Variants in SGIP1 observed in about 807,000 individuals in gnomAD.
SGIP1 encodes the protein SH3GL interacting endocytic adaptor 1.
In SGIP1, 38 loss-of-function variants were observed where a neutral mutation model predicts 107.5. That is an observed-to-expected ratio of 0.35 (90% CI 0.27 to 0.46). The LOEUF (loss-of-function observed/expected upper bound fraction) is 0.46. SGIP1 is among the 20% of genes least tolerant of loss of function. The pLI is 1.00. For synonymous variants in SGIP1, 365 were observed against 366.1 expected (o/e 1.00, Z 0.03); for missense variants, 929 against 1,019.5 (o/e 0.91, Z 1.21).
chr1:66,603,249 A>C (rs1333657195), intron 1 of SGIP1, among the ~76,000 whole-genome samples: 2 of 152,154 alleles, frequency 1.3e-5, no homozygotes, highest in Non-Finnish European at 2.9e-5. Flanking sequence ...CAGTTCTTTC[A>C]TGGTGCTTAT....
chr1:66,614,564 A>G (rs1558074445), intron 1 of SGIP1, among the ~76,000 whole-genome samples: 2 of 152,206 alleles, frequency 1.3e-5, no homozygotes, highest in South Asian at 4.1e-4. Context: ...ATGTGTGTTT[A>G]TCTGATGGCT....
chr1:66,676,837 T>C (rs1325557542), intron 12 of SGIP1, 167 bp from the exon 13 acceptor site: 2 of 605,298 alleles, frequency 3.3e-6, no homozygotes, highest in Non-Finnish European at 5.8e-6. Context: ...CTATTTCTAT[T>C]CTCTGCTTGA....
intron 7 of SGIP1, among the ~76,000 whole-genome samples, chr1:66,651,445 A>T (rs1472169306): frequency 6.6e-6 from 1 of 152,192 alleles, no homozygotes; most frequent in Non-Finnish European, 1.5e-5. Context: ...AGAACTCTTA[A>T]CCACTATATT....
At chr1:66,678,807 C>T (rs1336582625) in intron 13 of SGIP1, among the ~76,000 whole-genome samples, 1 of 152,188 alleles carries the variant, frequency 6.6e-6, no homozygotes, top group Non-Finnish European at 1.5e-5. Context: ...CAGCCATGTG[C>T]CTACCTGCCT....
chr1:66,668,179 G>A (rs1026634062), intron 9 of SGIP1, among the ~76,000 whole-genome samples: 7 of 152,046 alleles, frequency 4.6e-5, no homozygotes, highest in Non-Finnish European at 7.4e-5. Context: ...TTTTCCTCAA[G>A]TTGAAAAGTA....
At chr1:66,534,514 G>T (rs1459874932) in intron 1 of SGIP1, 146 bp downstream of exon 1, 1 of 889,418 alleles carries the variant, frequency 1.1e-6, no homozygotes, top group African/African-American at 1.6e-5. Flanking sequence ...TTTGCTTGCA[G>T]TGGATCTGGG....
At chr1:66,678,258 C>T (rs368082351) in intron 13 of SGIP1, among the ~76,000 whole-genome samples, 1 of 152,112 alleles carries the variant, frequency 6.6e-6, no homozygotes, top group Non-Finnish European at 1.5e-5. Flanking sequence ...CCTAGAAAAC[C>T]CTTTCCTAAA....
chr1:66,722,134 G>A lies in SGIP1; in HGVS notation c.1742+2729G>A, dbSNP rs1044255620. 5.3e-5 allele frequency among the ~76,000 whole-genome samples: 8 copies of A among 151,914 alleles called. No homozygotes were observed. The East Asian group carries it at 5.8e-4, about 11-fold the overall frequency. ...CACTCTAGCCACATGGCCTCATGGC[G>A]TCTCTCTTCCATCACCCCAACCCAC... is the stretch of plus-strand genomic sequence containing the variant. On this transcript the variant is annotated intron_variant, in intron 19 of 24. Transcript: ENST00000371037.
intron 1 of SGIP1, among the ~76,000 whole-genome samples, chr1:66,542,176 G>A (rs2055129764): frequency 6.6e-6 from 1 of 151,890 alleles, no homozygotes; most frequent in Non-Finnish European, 1.5e-5. Flanking sequence ...ATATCAATCA[G>A]TAGGTATCAG....
chr1:66,598,956 C>A (rs1432796686), intron 1 of SGIP1, among the ~76,000 whole-genome samples: 1 of 152,110 alleles, frequency 6.6e-6, no homozygotes, highest in South Asian at 2.1e-4. Flanking sequence ...AATGCAAGCA[C>A]AGTCCAAAAT....
chr1:66,741,369 T>A lies in SGIP1; in HGVS notation c.2397T>A (p.Ser799=), dbSNP rs555470536. 1 of 1,612,140 alleles carries A rather than the reference T, an allele frequency of 6.2e-7. No homozygotes were observed. Among genetic ancestry groups the A allele is most frequent in the South Asian group, 1.1e-5 (1 of 90,760 alleles). The change falls in exon 24 of 25, where the codon TCT becomes TCA. Residue 799 remains serine, a synonymous_variant. Coordinates refer to ENST00000371037, the MANE Select transcript of SGIP1 (RefSeq NM_032291.4). ...VQFTSEGSTL[S]GCDIELVGAG... ...TCACAAGTGAAGGAAGCACCCTTTC[T>A]GGCTGTGACATTGAACTTGTTGGAG...
At chr1:66,539,484 A>T (rs1243886383) in intron 1 of SGIP1, among the ~76,000 whole-genome samples, 1 of 152,226 alleles carries the variant, frequency 6.6e-6, no homozygotes, top group East Asian at 1.9e-4. Context: ...TATTAGAAAG[A>T]TATTAGGCAT....
rs775390538 is a variant in SGIP1 at position 66,733,823 on chromosome 1, A to G, written c.1974A>G (p.Lys658=). The G allele has an allele frequency of 2.2e-5, 35 of 1,613,730 alleles. No homozygotes were observed. The South Asian group carries it at 3.4e-4, about 16-fold the overall frequency. ...CAAATTTGATGACTCACCTAAAGAA[A>G]GTGTCTGAACAAAAACCCCAGGCTA... ...NMPNLMTHLK[K]VSEQKPQATY... is the part of the protein sequence containing the mutation. Residue 658 remains lysine, a synonymous_variant, in exon 21 of 25, where the codon AAA becomes AAG. Coordinates refer to ENST00000371037, the MANE Select transcript of SGIP1 (RefSeq NM_032291.4).
chr1:66,574,573 A>G (rs1271638025), intron 1 of SGIP1, among the ~76,000 whole-genome samples: 1 of 152,206 alleles, frequency 6.6e-6, no homozygotes, highest in East Asian at 1.9e-4. Flanking sequence ...TATGCTTTAT[A>G]TGCAGAACAT....
chr1:66,540,152 A>G (rs939882515), intron 1 of SGIP1, among the ~76,000 whole-genome samples: 1 of 152,242 alleles, frequency 6.6e-6, no homozygotes, highest in Non-Finnish European at 1.5e-5. Context: ...AATAAAATCA[A>G]TAAACATGAA....
At chr1:66,580,227 A>C (rs1242471489) in intron 1 of SGIP1, among the ~76,000 whole-genome samples, 2 of 152,126 alleles carry the variant, frequency 1.3e-5, no homozygotes, top group African/African-American at 4.8e-5. Context: ...TATGTCTGCA[A>C]GGCCCTATAT....
intron 11 of SGIP1, among the ~76,000 whole-genome samples, chr1:66,672,866 GC>G (rs1256808320): frequency 3.3e-5 from 5 of 151,866 alleles, no homozygotes; most frequent in Admixed American, 3.3e-4. Context: ...ATTATAAATT[GC>G]ATTAACTACA....
intron 5 of SGIP1, among the ~76,000 whole-genome samples, chr1:66,640,628 G>A (rs2076603941): frequency 6.6e-6 from 1 of 152,144 alleles, no homozygotes. Context: ...ATCAATGGAA[G>A]ATAATTACAA....
intron 1 of SGIP1, among the ~76,000 whole-genome samples, chr1:66,602,963 C>G (rs1286271560): frequency 6.6e-6 from 1 of 152,140 alleles, no homozygotes; most frequent in Non-Finnish European, 1.5e-5. Context: ...ATTCTGTGCT[C>G]TAGTTATTAC....
Sources: gnomAD v4.1 joint callset for allele counts (sites outside exome capture counted in the v4.1 genomes callset) on GRCh38, gnomAD v4.1.1 for gene constraint, MANE v1.5 for transcripts, NCBI Gene and HGNC (gene_info 2026-07-23, HGNC 2026-07-21) for gene names.